The following DROSHA variants were observed in gnomAD, a reference collection of about 807,000 sequenced individuals.
The protein encoded by DROSHA is ribonuclease 3.
In DROSHA, 56 loss-of-function variants were observed where a neutral mutation model predicts 181.9. The observed-to-expected ratio is 0.31, with a 90% CI of 0.25 to 0.38. The LOEUF (loss-of-function observed/expected upper bound fraction) is 0.38. Ranked by LOEUF, DROSHA falls within the 10% of genes least tolerant of loss-of-function variation. DROSHA has a pLI of 1.00. For synonymous variants in DROSHA, 524 were observed against 591.2 expected, an observed-to-expected ratio of 0.89 and a Z score of 1.65; for missense variants, 1,218 against 1,743.5, an observed-to-expected ratio of 0.70 and a Z score of 5.37.
chr5:31,468,114 T>A, intron 17 of DROSHA, 51 bp from the exon 18 acceptor site: 1 of 1,567,686 alleles, frequency 6.4e-7, no homozygotes, highest in South Asian at 1.2e-5. Flanking sequence ...CTTTATGTAT[T>A]GACTTTAACC....
At chr5:31,450,268 T>C (rs1378736619) in intron 21 of DROSHA, among the ~76,000 whole-genome samples, 1 of 152,200 alleles carries the variant, frequency 6.6e-6, no homozygotes, top group Non-Finnish European at 1.5e-5. Context: ...AAAAACAGTA[T>C]GGAGATTTCT....
intron 20 of DROSHA, among the ~76,000 whole-genome samples, chr5:31,461,274 C>A (rs1343138306): frequency 6.6e-6 from 1 of 152,062 alleles, no homozygotes; most frequent in Non-Finnish European, 1.5e-5. Flanking sequence ...TGGCAAACAT[C>A]GATAATTTAA....
intron 27 of DROSHA, among the ~76,000 whole-genome samples, chr5:31,425,365 A>G (rs1388560081): frequency 6.6e-6 from 1 of 152,208 alleles, no homozygotes; most frequent in Admixed American, 6.5e-5. Flanking sequence ...AAGCATTTAA[A>G]CATCAAACTT....
chr5:31,516,186 G>A (rs1268229903), intron 6 of DROSHA, among the ~76,000 whole-genome samples: 1 of 152,184 alleles, frequency 6.6e-6, no homozygotes, highest in African/African-American at 2.4e-5. Context: ...AGCCTGGAAG[G>A]CTGAGGCTGC....
At chr5:31,442,757 T>G (rs1413601134) in intron 23 of DROSHA, among the ~76,000 whole-genome samples, 1 of 151,770 alleles carries the variant, frequency 6.6e-6, no homozygotes, top group Non-Finnish European at 1.5e-5. Context: ...GAGGGTGCCT[T>G]GGAGGTCAGT....
chr5:31,468,157 C>T (rs1482716678), intron 17 of DROSHA, 94 bp from the exon 18 acceptor site: 1 of 1,426,898 alleles, frequency 7.0e-7, no homozygotes, highest in East Asian at 2.5e-5. Flanking sequence ...GACTTTTTTC[C>T]AGGAAAGCCT....
At chr5:31,466,405 C>G in intron 18 of DROSHA, 124 bp from the exon 19 acceptor site, 1 of 789,682 alleles carries the variant, frequency 1.3e-6, no homozygotes, top group Non-Finnish European at 2.1e-6. Flanking sequence ...TTCTTAATGG[C>G]AGAAAGCCAT....
chr5:31,437,723 C>T (rs1745054430), intron 23 of DROSHA, among the ~76,000 whole-genome samples: 2 of 152,152 alleles, frequency 1.3e-5, no homozygotes, highest in Admixed American at 6.5e-5. Flanking sequence ...CTAAACTCAA[C>T]CCAGCATCTG....
chr5:31,402,262 G>A (rs1185882652), intron 35 of DROSHA, among the ~76,000 whole-genome samples: 3 of 152,140 alleles, frequency 2.0e-5, no homozygotes, highest in African/African-American at 7.2e-5. Flanking sequence ...TTTGCTTTAA[G>A]GACAATGCGT....
Position 31,470,341 on chromosome 5 carries a change from G to A in DROSHA, c.2241+1722C>T, listed in dbSNP as rs1161194688. 6.6e-6 allele frequency among the ~76,000 whole-genome samples: 1 copy of A among 152,164 alleles called. No homozygotes were observed. Among genetic ancestry groups the A allele is most frequent in the Non-Finnish European group, 1.5e-5 (1 of 68,028 alleles). ...AGCTCCTAAAATGAGAGGCTTTCCT[G>A]ATGCATCCATTGGCTCAACCATTCA... is the stretch of plus-strand genomic sequence containing the variant. On this transcript the variant is annotated intron_variant, in intron 17 of 35. Transcript: ENST00000344624. This position sits in a 1 kb window ranked among gnomAD's most constrained non-coding sequence, Gnocchi z 4.0.
intron 35 of DROSHA, 132 bp downstream of exon 35, chr5:31,405,545 G>T: frequency 2.4e-6 from 2 of 833,146 alleles, no homozygotes; most frequent in Non-Finnish European, 3.8e-6. Context: ...TATATTCTCT[G>T]TGTAAAGAAT....
chr5:31,453,536 G>C (rs1418921803), intron 20 of DROSHA, among the ~76,000 whole-genome samples: 2 of 152,156 alleles, frequency 1.3e-5, no homozygotes, highest in East Asian at 1.9e-4. Context: ...GCCCAAATCT[G>C]TATCTTTGGA....
At chr5:31,442,735 A>G (rs1745741989) in intron 23 of DROSHA, among the ~76,000 whole-genome samples, 1 of 152,018 alleles carries the variant, frequency 6.6e-6, no homozygotes, top group Non-Finnish European at 1.5e-5. Flanking sequence ...AGTGACTCAC[A>G]GAGTAGGGCT....
rs373494822 is a variant in DROSHA at position 31,526,887 on chromosome 5, G to A, written c.46C>T (p.Arg16Ter). 7 of 1,612,828 alleles carry A rather than the reference G, an allele frequency of 4.3e-6. No homozygotes were observed. The African/African-American group carries it at 5.3e-5, about 12-fold the overall frequency. Residue 16 changes from arginine to a stop codon, truncating the protein, a stop_gained, in exon 5 of 36, where the codon CGA (arginine) becomes TGA (stop). Transcript: ENST00000344624. LOFTEE classifies it high-confidence loss of function. Reference sequence around the variant, plus strand: ...CCTCCTCGTCCTCGGGGACACCCTCGTCCCGGGTGGAACGACATTCTGTGA... The same window carrying A: ...CCTCCTCGTCCTCGGGGACACCCTCATCCCGGGTGGAACGACATTCTGTGA... ...TCHRMSFHPG[R>*]GCPRGRGGHG...
chr5:31,459,414 TAAAAAA>T (rs4050153), intron 20 of DROSHA, among the ~76,000 whole-genome samples: 2 of 130,224 alleles, frequency 1.5e-5, no homozygotes, highest in Non-Finnish European at 3.2e-5. Context: ...TCCCATGTCT[TAAAAAA>T]AAAAAAAAAA....
chr5:31,404,291 CT>C (rs1740393138), intron 35 of DROSHA, among the ~76,000 whole-genome samples: 1 of 152,150 alleles, frequency 6.6e-6, no homozygotes, highest in African/African-American at 2.4e-5. Context: ...TGGAATCTCA[CT>C]TTTATTTCAC....
chr5:31,483,418 T>C (rs1751270255), intron 16 of DROSHA, 136 bp downstream of exon 16: 4 of 801,604 alleles, frequency 5.0e-6, no homozygotes, highest in Non-Finnish European at 2.0e-6. Flanking sequence ...ATTTTACATT[T>C]CCGTGCCTAA....
rs775496923 is a variant in DROSHA at position 31,529,094 on chromosome 5, A to G, written c.-35T>C. The G allele has an allele frequency of 3.1e-6, 5 of 1,610,676 alleles. No homozygotes were observed. The Admixed American group carries it at 8.4e-5, about 27-fold the overall frequency. On this transcript the variant is annotated 5_prime_UTR_variant, in exon 4 of 36. Coordinates refer to ENST00000344624, the MANE Select transcript of DROSHA (RefSeq NM_001382508.1). ...CCTGGATATGTCACATCTTCCACAG[A>G]GAATATAAGCTCTAAAAAACAGAAA...
intron 4 of DROSHA, 105 bp downstream of exon 4, chr5:31,528,935 C>T: frequency 6.9e-7 from 1 of 1,447,572 alleles, no homozygotes; most frequent in Non-Finnish European, 9.5e-7. Flanking sequence ...ACATTATCCC[C>T]TCTCCCCATG....
Sources: gnomAD v4.1 joint callset for allele counts (sites outside exome capture counted in the v4.1 genomes callset) on GRCh38, gnomAD v4.1.1 for gene constraint, Gnocchi (gnomAD v3.1) non-coding constraint, MANE v1.5 for transcripts, NCBI Gene and HGNC (gene_info 2026-07-23, HGNC 2026-07-21) for gene names.